PCDH15: variants seen among roughly 807,000 people sequenced by gnomAD.
The protein encoded by PCDH15 is protocadherin related 15, also known as protocadherin-15.
A neutral mutation model predicts 178.5 loss-of-function variants in PCDH15; 129 were observed. That is an observed-to-expected ratio of 0.72 (90% CI 0.63 to 0.84). The LOEUF (loss-of-function observed/expected upper bound fraction) is 0.84. Ranked by LOEUF, PCDH15 falls within the 40% of genes least tolerant of loss-of-function variation. The probability of loss-of-function intolerance (pLI) is 0.00; values close to 1 mark genes in which losing one functional copy is unlikely to be tolerated. For synonymous variants in PCDH15, 800 were observed against 732.0 expected (o/e 1.09, Z -1.50); for missense variants, 2,230 against 2,099.9 (o/e 1.06, Z -1.21).
intron 25 of PCDH15, among the ~76,000 whole-genome samples, chr10:53,914,414 C>G (rs2083379680): frequency 2.0e-5 from 3 of 152,140 alleles, no homozygotes; most frequent in African/African-American, 4.8e-5. Flanking sequence ...CACATATACA[C>G]CATGGAATAC....
Position 54,022,903 on chromosome 10 carries a change from G to C in PCDH15, c.2515C>G (p.Leu839Val), listed in dbSNP as rs1333676037. 5 of 1,613,796 alleles carry C rather than the reference G, an allele frequency of 3.1e-6. No homozygotes were observed. Among genetic ancestry groups the C allele is most frequent in the Non-Finnish European group, 4.2e-6 (5 of 1,179,768 alleles). ...TTTTTCCCACACACCTCTATTTGAAGGATGGTAGTCCCAGCTGGCAAATTC... is the reference window on the plus strand; with the variant it reads ...TTTTTCCCACACACCTCTATTTGAACGATGGTAGTCCCAGCTGGCAAATTC... ...EENLPAGTTI[L>V]QIEAKDVDLG... Residue 839 changes from leucine to valine, a missense_variant, in exon 19 of 38, where the codon CTT (leucine) becomes GTT (valine). Physicochemically the swap from Leu to Val is conservative, Grantham distance 32. Transcript: ENST00000644397.
At chr10:54,003,944 A>T (rs532411033) in intron 20 of PCDH15, among the ~76,000 whole-genome samples, 12 of 152,104 alleles carry the variant, frequency 7.9e-5, no homozygotes, top group Non-Finnish European at 1.6e-4. Context: ...ATTAATCATG[A>T]CCAAATAAGA....
rs147932760 is a variant in PCDH15, at chr10:54,450,418, T to A, written c.158-71476A>T. On this transcript the variant is annotated intron_variant, in intron 3 of 37. Transcript: ENST00000644397. ...ATTATTTATAGTTTCTTCCTTTTTT[T>A]ATTTTTTTAACTTATTTATATTCCA... 8.2e-3 allele frequency among the ~76,000 whole-genome samples: 1,246 copies of A among 151,646 alleles called. 14 individuals are homozygous for A. Among genetic ancestry groups the A allele is most frequent in the African/African-American group, 0.028 (1,179 of 41,458 alleles).
At chr10:54,203,868 A>G (rs1298838342) in intron 10 of PCDH15, among the ~76,000 whole-genome samples, 1 of 152,052 alleles carries the variant, frequency 6.6e-6, no homozygotes, top group Admixed American at 6.5e-5. Flanking sequence ...TTATTCCTTT[A>G]TTTTCAATTT....
intron 1 of PCDH15, among the ~76,000 whole-genome samples, chr10:55,253,061 G>C (rs1204650256): frequency 6.6e-6 from 1 of 151,938 alleles, no homozygotes; most frequent in Non-Finnish European, 1.5e-5. Context: ...AAATATTGAG[G>C]GTCATGATAC....
chr10:55,410,510 G>A (rs1431197397), intron 2 of PCDH15, among the ~76,000 whole-genome samples: 1 of 152,020 alleles, frequency 6.6e-6, no homozygotes, highest in Non-Finnish European at 1.5e-5. Context: ...ATTTGCTGCA[G>A]GATAATTTTT....
chr10:53,864,708 C>T (rs2079328078), intron 27 of PCDH15, among the ~76,000 whole-genome samples: 1 of 151,976 alleles, frequency 6.6e-6, no homozygotes, highest in Non-Finnish European at 1.5e-5. Context: ...CCCTGCTTTC[C>T]GAGGTTGCAG....
At chr10:55,119,972 C>T (rs1345368997) in intron 2 of PCDH15, among the ~76,000 whole-genome samples, 1 of 151,196 alleles carries the variant, frequency 6.6e-6, no homozygotes, top group Non-Finnish European at 1.5e-5. Flanking sequence ...CATAACTTGT[C>T]TTAAATGTTT....
intron 20 of PCDH15, among the ~76,000 whole-genome samples, chr10:53,998,862 G>C (rs1011343599): frequency 6.6e-6 from 1 of 151,838 alleles, no homozygotes; most frequent in Non-Finnish European, 1.5e-5. Context: ...GACCAGCCTG[G>C]CCAACATGGC....
chr10:54,565,294 A>G (rs1482408978), intron 2 of PCDH15, among the ~76,000 whole-genome samples: 3 of 152,162 alleles, frequency 2.0e-5, no homozygotes, highest in Non-Finnish European at 4.4e-5. Flanking sequence ...GGTTACTGTG[A>G]TCCCTTCTCC....
intron 2 of PCDH15, among the ~76,000 whole-genome samples, chr10:55,593,379 C>A (rs1456085678): frequency 6.6e-6 from 1 of 151,834 alleles, no homozygotes; most frequent in East Asian, 1.9e-4. Flanking sequence ...GCTATAGACA[C>A]TGAACATGTA....
chr10:54,354,382 G>A (rs570448261), intron 5 of PCDH15, among the ~76,000 whole-genome samples: 2 of 152,174 alleles, frequency 1.3e-5, no homozygotes, highest in Non-Finnish European at 2.9e-5. Context: ...AAAAAGAAAT[G>A]TATTAATATG....
At chr10:55,383,435 G>C (rs575994617) in intron 2 of PCDH15, among the ~76,000 whole-genome samples, 174 of 152,154 alleles carry the variant, frequency 1.1e-3, no homozygotes, top group African/African-American at 3.4e-3. Flanking sequence ...AGGAAAACAG[G>C]GATAACTATT....
chr10:54,758,758 G>A lies in PCDH15; in HGVS notation c.-29+42167C>T, dbSNP rs112908274. 2.7e-3 allele frequency among the ~76,000 whole-genome samples: 408 copies of A among 152,206 alleles called. 3 individuals carry two copies. Among genetic ancestry groups the A allele is most frequent in the Non-Finnish European group, 4.6e-3 (312 of 68,000 alleles). Reference sequence around the variant, plus strand: ...CAATTGAACTTTTGGGTTGTGTTTGGAACTATCTCTTTTCAATGAATTAAC... The same window carrying A: ...CAATTGAACTTTTGGGTTGTGTTTGAAACTATCTCTTTTCAATGAATTAAC... On this transcript the variant is annotated intron_variant, in intron 1 of 37. Coordinates refer to ENST00000644397, the MANE Select transcript of PCDH15 (RefSeq NM_001384140.1).
At chr10:54,054,899 T>G (rs1356036455) in intron 18 of PCDH15, among the ~76,000 whole-genome samples, 1 of 152,134 alleles carries the variant, frequency 6.6e-6, no homozygotes, top group Non-Finnish European at 1.5e-5. Context: ...AATTCCCCAC[T>G]TGCAGCCCAC....
At chr10:54,049,680 G>A (rs897109541) in intron 18 of PCDH15, among the ~76,000 whole-genome samples, 4 of 151,762 alleles carry the variant, frequency 2.6e-5, no homozygotes, top group African/African-American at 9.7e-5. Flanking sequence ...GCATGCAATG[G>A]CGCAACCTTG....
chr10:55,525,747 T>C (rs1841289630), intron 2 of PCDH15, among the ~76,000 whole-genome samples: 1 of 152,012 alleles, frequency 6.6e-6, no homozygotes, highest in African/African-American at 2.4e-5. Flanking sequence ...TATAGCACGT[T>C]CTTTTAAAGT....
chr10:55,504,578 C>T (rs548456003), intron 2 of PCDH15, among the ~76,000 whole-genome samples: 1 of 151,078 alleles, frequency 6.6e-6, no homozygotes, highest in Admixed American at 6.6e-5. Context: ...CATTTCTCAT[C>T]ATATAAAAAA....
intron 2 of PCDH15, among the ~76,000 whole-genome samples, chr10:54,981,894 G>T (rs1373542717): frequency 6.6e-6 from 1 of 151,440 alleles, no homozygotes; most frequent in Non-Finnish European, 1.5e-5. Flanking sequence ...TCCCACCACA[G>T]CCTCCTGAGT....
Sources: gnomAD v4.1 joint callset for allele counts (sites outside exome capture counted in the v4.1 genomes callset) on GRCh38, gnomAD v4.1.1 for gene constraint, MANE v1.5 for transcripts, NCBI Gene and HGNC (gene_info 2026-07-23, HGNC 2026-07-21) for gene names.